Variants in RARB observed in about 807,000 individuals in gnomAD.
RARB encodes the protein HBV-activated protein.
RARB carries 17 observed loss-of-function variants against 51.9 expected under a neutral mutation model. That is an observed-to-expected ratio of 0.33 (90% CI 0.22 to 0.49). RARB has a LOEUF of 0.49. RARB is among the 20% of genes least tolerant of loss of function. The pLI, the probability that RARB is intolerant of heterozygous loss-of-function variation, is 0.99. For missense variants in RARB, 369 were observed against 550.8 expected (o/e 0.67, Z 3.30); for synonymous variants, 215 against 195.4 (o/e 1.10, Z -0.84).
At chr3:24,936,603 G>A (rs1695553440) in intron 2 of RARB, among the ~76,000 whole-genome samples, 1 of 152,138 alleles carries the variant, frequency 6.6e-6, no homozygotes, top group African/African-American at 2.4e-5. Flanking sequence ...AAGAAAATGA[G>A]GGCATAGATA....
chr3:25,401,867 C>T (rs1279129118), intron 5 of RARB, among the ~76,000 whole-genome samples: 2 of 152,118 alleles, frequency 1.3e-5, no homozygotes, highest in African/African-American at 4.8e-5. Flanking sequence ...ACCTCTGCCT[C>T]CCGGGTTCAA....
rs1553623182 is a variant in RARB at position 25,494,253 on chromosome 3, G to GCACGCGCGCGCACTCA, written c.307-6926_307-6925insGCGCGCGCACTCACAC. On this transcript the variant is annotated intron_variant, in intron 2 of 7. Coordinates refer to ENST00000330688, the MANE Select transcript of RARB (RefSeq NM_000965.5). ...GCCCCCTTTTCCAGCTGTATCTTACGCACACACACACACACACACACACAC... is the reference window on the plus strand; with the variant it reads ...GCCCCCTTTTCCAGCTGTATCTTACGCACGCGCGCGCACTCACACACACACACACACACACACACAC... Among the ~76,000 whole-genome samples the GCACGCGCGCGCACTCA allele has an allele frequency of 2.2e-3, 291 of 131,968 alleles. 3 individuals carry two copies. The highest frequency in any genetic ancestry group is 6.8e-3 in the African/African-American group (259 of 38,368). 86.6% of individuals were successfully genotyped at this position (131,968 alleles called of 152,430 possible). A position where few individuals can be genotyped will look rare whatever the true frequency, so the allele number is the denominator to read the frequency against.
chr3:24,868,883 A>C (rs555544723), intron 2 of RARB, among the ~76,000 whole-genome samples: 1 of 152,072 alleles, frequency 6.6e-6, no homozygotes, highest in Non-Finnish European at 1.5e-5. Flanking sequence ...GGCCAAACCA[A>C]TGTACACTTT....
rs987364156 is a variant in RARB at position 25,501,280 on chromosome 3, C to T, written c.405C>T (p.Tyr135=). 6 of 1,610,818 alleles carry T rather than the reference C, an allele frequency of 3.7e-6. No homozygotes were observed. The highest frequency in any genetic ancestry group is 4.2e-6 in the Non-Finnish European group (5 of 1,179,084). The part of the protein sequence containing the change: ...INKVTRNRCQ[Y]CRLQKCFEVG... ...AAGTCACCAGGAATCGATGCCAATA[C>T]TGTCGACTCCAGAAGTGCTTTGAAG... is the stretch of plus-strand genomic sequence containing the variant. The change falls in exon 3 of 8, where the codon TAC becomes TAT. Residue 135 remains tyrosine (Y), a synonymous_variant. Coordinates refer to ENST00000330688, the MANE Select transcript of RARB (RefSeq NM_000965.5).
intron 2 of RARB, among the ~76,000 whole-genome samples, chr3:25,477,583 G>A (rs1207105073): frequency 3.3e-5 from 5 of 152,186 alleles, no homozygotes; most frequent in Non-Finnish European, 2.9e-5. Context: ...AGTTTATTGA[G>A]GATGTACATA....
At chr3:25,243,649 T>A (rs1165524482) in intron 5 of RARB, among the ~76,000 whole-genome samples, 1 of 152,116 alleles carries the variant, frequency 6.6e-6, no homozygotes, top group Non-Finnish European at 1.5e-5. Flanking sequence ...TTGCATCCCA[T>A]GGATGAAGCT....
intron 5 of RARB, among the ~76,000 whole-genome samples, chr3:25,590,834 A>G (rs1207499512): frequency 6.6e-6 from 1 of 152,080 alleles, no homozygotes; most frequent in Non-Finnish European, 1.5e-5. Flanking sequence ...AGTATTTCCT[A>G]ATGTTTCTCC....
intron 2 of RARB, among the ~76,000 whole-genome samples, chr3:24,889,958 A>G (rs1176810828): frequency 6.6e-6 from 1 of 152,062 alleles, no homozygotes; most frequent in Non-Finnish European, 1.5e-5. Flanking sequence ...ATAGCCCTGA[A>G]AGAAAAACCT....
At chr3:25,081,614 TATATA>T (rs1486080909) in intron 3 of RARB, among the ~76,000 whole-genome samples, 80 of 14,158 alleles carry the variant, frequency 5.7e-3, no homozygotes, top group Non-Finnish European at 6.9e-3. Flanking sequence ...TATATATATA[TATATA>T]TATTTTTTTT....
intron 5 of RARB, among the ~76,000 whole-genome samples, chr3:25,272,148 C>A (rs1307500626): frequency 6.6e-6 from 1 of 152,174 alleles, no homozygotes; most frequent in East Asian, 1.9e-4. Context: ...CCATTGATTG[C>A]AGAAAATTCT....
chr3:25,351,446 G>A lies in RARB; in HGVS notation c.179-109747G>A, dbSNP rs1384819078. ...ATCGGATTTTCTTAATGAATATTAT[G>A]TGCTTGCATCTCATTTGGTTACAGG... On this transcript the variant is annotated intron_variant, in intron 5 of 11. Transcript: ENST00000383772. Among the ~76,000 whole-genome samples, 2 of 152,046 alleles carry A rather than the reference G, an allele frequency of 1.3e-5. 1 individual carries two copies. The highest frequency in any genetic ancestry group is 4.8e-5 in the African/African-American group (2 of 41,478).
chr3:25,301,796 A>G (rs1454978682), intron 5 of RARB, among the ~76,000 whole-genome samples: 1 of 152,204 alleles, frequency 6.6e-6, no homozygotes, highest in African/African-American at 2.4e-5. Context: ...AAGTGGCACT[A>G]ATATCACATC....
At chr3:24,937,448 T>C (rs1407654240) in intron 2 of RARB, among the ~76,000 whole-genome samples, 1 of 152,138 alleles carries the variant, frequency 6.6e-6, no homozygotes, top group Non-Finnish European at 1.5e-5. Context: ...TCATCCTTAC[T>C]ACCCTCTCCC....
upstream of RARB, among the ~76,000 whole-genome samples, chr3:25,424,275 C>T (rs1707930642): frequency 6.6e-6 from 1 of 152,174 alleles, no homozygotes; most frequent in Admixed American, 6.5e-5. Flanking sequence ...GGTATAAGAT[C>T]CACGAACATC....
rs1238722681 is a variant in RARB at position 25,212,890 on chromosome 3, A to G, written c.178+38315A>G. Among the ~76,000 whole-genome samples the G allele has an allele frequency of 2.6e-5, 4 of 152,204 alleles. No individual in the cohort carries two copies. In the East Asian group the frequency reaches 7.7e-4, roughly 29 times the overall value. ...GCTATGTAGAGTAAAAATCTTAATTACCAAAGGTCGCTCACTTGGGAGCCT... is the reference window on the plus strand; with the variant it reads ...GCTATGTAGAGTAAAAATCTTAATTGCCAAAGGTCGCTCACTTGGGAGCCT... On this transcript the variant is annotated intron_variant, in intron 5 of 11. Coordinates refer to the RARB transcript ENST00000383772.
At chr3:24,958,608 A>G (rs1023304917) in intron 2 of RARB, among the ~76,000 whole-genome samples, 1 of 152,166 alleles carries the variant, frequency 6.6e-6, no homozygotes, top group Admixed American at 6.5e-5. Flanking sequence ...GCTAGTTTGC[A>G]CATAATGAGG....
intron 3 of RARB, among the ~76,000 whole-genome samples, chr3:25,510,521 G>A (rs1443479392): frequency 6.6e-6 from 1 of 152,060 alleles, no homozygotes; most frequent in Non-Finnish European, 1.5e-5. Flanking sequence ...AGCTACTCTG[G>A]AGGCTGAGGC....
At chr3:25,080,034 T>C (rs1404976126) in intron 3 of RARB, among the ~76,000 whole-genome samples, 1 of 152,224 alleles carries the variant, frequency 6.6e-6, no homozygotes, top group Non-Finnish European at 1.5e-5. Context: ...ATCATCATGA[T>C]TTCCAAAATT....
intron 5 of RARB, among the ~76,000 whole-genome samples, chr3:25,208,856 G>A (rs1005459328): frequency 4.6e-5 from 7 of 152,014 alleles, no homozygotes; most frequent in African/African-American, 9.7e-5. Context: ...CCTGGGAAGC[G>A]CCTGCCTACT....
Sources: gnomAD v4.1 joint callset for allele counts (sites outside exome capture counted in the v4.1 genomes callset) on GRCh38, gnomAD v4.1.1 for gene constraint, MANE v1.5 for transcripts, NCBI Gene and HGNC (gene_info 2026-07-23, HGNC 2026-07-21) for gene names.